The following SUPT3H variants were observed in gnomAD, a reference collection of about 807,000 sequenced individuals.
The protein encoded by SUPT3H is SPT3 homolog, SAGA and STAGA complex component.
SUPT3H carries 44 observed loss-of-function variants against 44.3 expected under a neutral mutation model. That is an observed-to-expected ratio of 0.99 (90% CI 0.78 to 1.28). The LOEUF (loss-of-function observed/expected upper bound fraction) is 1.28. SUPT3H is among the 50% of genes most tolerant of loss of function. The pLI is 0.00. For missense variants in SUPT3H, 380 were observed against 387.1 expected, an observed-to-expected ratio of 0.98 and a Z score of 0.15; for synonymous variants, 124 against 125.6, an observed-to-expected ratio of 0.99 and a Z score of 0.09.
intron 10 of SUPT3H, among the ~76,000 whole-genome samples, chr6:44,886,372 G>A (rs546331387): frequency 1.3e-5 from 2 of 152,168 alleles, no homozygotes; most frequent in East Asian, 3.9e-4. Flanking sequence ...AGAGAGAAAG[G>A]TCGGGTTACC....
At chr6:45,107,476 A>T (rs1799443102) in intron 2 of SUPT3H, among the ~76,000 whole-genome samples, 1 of 152,142 alleles carries the variant, frequency 6.6e-6, no homozygotes, top group Non-Finnish European at 1.5e-5. Flanking sequence ...CAGAGAATGC[A>T]CTTTGCCTAC....
At chr6:45,079,972 T>C (rs1020877409) in intron 3 of SUPT3H, among the ~76,000 whole-genome samples, 1 of 152,172 alleles carries the variant, frequency 6.6e-6, no homozygotes, top group Non-Finnish European at 1.5e-5. Flanking sequence ...ATTGCAAAGC[T>C]TCTGCACAGC....
chr6:44,869,210 T>C lies in SUPT3H; in HGVS notation c.913-39353A>G, dbSNP rs1332378024. Among the ~76,000 whole-genome samples the C allele has an allele frequency of 5.3e-5, 8 of 152,182 alleles. No individual in the cohort carries two copies. In the East Asian group the frequency reaches 9.6e-4, roughly 18 times the overall value. ...GTATAGGCTGCTTTGTCTTTTTTTTTTTCTTTGAAGACTGCCTCCTTGGAA... is the reference window on the plus strand; with the variant it reads ...GTATAGGCTGCTTTGTCTTTTTTTTCTTCTTTGAAGACTGCCTCCTTGGAA... On this transcript the variant is annotated intron_variant, in intron 10 of 10. Transcript: ENST00000371459.
At chr6:45,196,376 G>A (rs866032560) in intron 2 of SUPT3H, among the ~76,000 whole-genome samples, 2 of 151,930 alleles carry the variant, frequency 1.3e-5, no homozygotes, top group Non-Finnish European at 2.9e-5. Flanking sequence ...AAAGGATATG[G>A]AAATTGGCAA....
At chr6:44,981,776 C>A (rs1779119056) in intron 6 of SUPT3H, among the ~76,000 whole-genome samples, 1 of 151,700 alleles carries the variant, frequency 6.6e-6, no homozygotes, top group African/African-American at 2.4e-5. Context: ...TCAGGGAACT[C>A]CTGAAAGCCT....
rs568863633 is a variant in SUPT3H, at chr6:45,014,851, T to A, written c.314A>T (p.Asp105Val). The A allele has an allele frequency of 1.6e-4, 261 of 1,593,602 alleles. No individual in the cohort carries two copies. Among genetic ancestry groups the A allele is most frequent in the Non-Finnish European group, 2.1e-4 (241 of 1,171,578 alleles). The part of the protein sequence containing the change: ...RRLLKYMFIR[D>V]YKSKIVKGID... ...GCCTTTGACAATCTTTGATTTGTAGTCTCGGATAAACATGTATTTTAGCAG... is the reference window on the plus strand; with the variant it reads ...GCCTTTGACAATCTTTGATTTGTAGACTCGGATAAACATGTATTTTAGCAG... Residue 105 changes from aspartate (D) to valine (V), a missense_variant, in exon 5 of 11, where the codon GAC becomes GTC. Transcript: ENST00000371459.
intron 10 of SUPT3H, among the ~76,000 whole-genome samples, chr6:44,907,905 C>G (rs774154351): frequency 3.4e-4 from 51 of 152,060 alleles, no homozygotes; most frequent in Admixed American, 1.3e-4. Flanking sequence ...AAAAACAAAA[C>G]TTGCTTAGTT....
chr6:45,230,660 G>GCCTATATATATATA (rs765270979), intron 2 of SUPT3H, among the ~76,000 whole-genome samples: 7,455 of 49,884 alleles, frequency 0.15, 941 homozygotes, highest in East Asian at 0.23. Context: ...AATTCATTCA[G>GCCTATATATATATA]TCTATATATA....
chr6:45,009,662 G>A (rs1171753232), intron 5 of SUPT3H, among the ~76,000 whole-genome samples: 1 of 151,944 alleles, frequency 6.6e-6, no homozygotes, highest in Non-Finnish European at 1.5e-5. Context: ...CCATTTCATT[G>A]ACAAATATGT....
At chr6:45,268,149 T>C (rs976392382) in intron 2 of SUPT3H, among the ~76,000 whole-genome samples, 1 of 152,216 alleles carries the variant, frequency 6.6e-6, no homozygotes, top group Non-Finnish European at 1.5e-5. Context: ...AATTAGTTCC[T>C]TCTTTTATCT....
At chr6:44,898,428 C>T (rs1389937803) in intron 10 of SUPT3H, among the ~76,000 whole-genome samples, 1 of 152,130 alleles carries the variant, frequency 6.6e-6, no homozygotes, top group African/African-American at 2.4e-5. Context: ...CTGAGGCCCC[C>T]AGCCAACTCC....
intron 2 of SUPT3H, among the ~76,000 whole-genome samples, chr6:45,297,991 C>T (rs1398461571): frequency 1.3e-5 from 2 of 152,250 alleles, no homozygotes; most frequent in Non-Finnish European, 1.5e-5. Context: ...AAGCTTCAGG[C>T]CACCAAGCTG....
intron 2 of SUPT3H, chr6:45,197,850 T>C (rs1408249213): frequency 5.9e-6 from 1 of 169,872 alleles, no homozygotes; most frequent in Non-Finnish European, 1.4e-5. Flanking sequence ...CTAACTGCCA[T>C]ATTAATCACC....
intron 9 of SUPT3H, among the ~76,000 whole-genome samples, chr6:44,949,825 A>G (rs1357092051): frequency 6.6e-6 from 1 of 152,252 alleles, no homozygotes; most frequent in African/African-American, 2.4e-5. Context: ...GAACTCTAAT[A>G]CACTGTTGGT....
intron 3 of SUPT3H, among the ~76,000 whole-genome samples, chr6:45,052,736 C>G (rs890724982): frequency 6.6e-6 from 1 of 152,184 alleles, no homozygotes; most frequent in Non-Finnish European, 1.5e-5. Flanking sequence ...AACTCCTGTA[C>G]TGGACACTAC....
rs537294390 is a variant in SUPT3H, at chr6:45,263,907, T to C, written c.101+101294A>G. Among the ~76,000 whole-genome samples, 10 of 152,336 alleles carry C rather than the reference T, an allele frequency of 6.6e-5. No homozygotes were observed. In the East Asian group the frequency reaches 1.9e-3, roughly 29 times the overall value. On this transcript the variant is annotated intron_variant, in intron 2 of 10. Transcript: ENST00000371459. ...TAAAAATACCACTAAAGTAAATTTT[T>C]AGGAAAATTATGTTACCTGATCAGT...
At chr6:44,990,071 A>G (rs1234709287) in intron 6 of SUPT3H, among the ~76,000 whole-genome samples, 1 of 152,096 alleles carries the variant, frequency 6.6e-6, no homozygotes, top group East Asian at 1.9e-4. Context: ...AAATCTTACC[A>G]AGGCCAACGT....
intron 7 of SUPT3H, among the ~76,000 whole-genome samples, chr6:44,960,276 G>A (rs1775821754): frequency 6.6e-6 from 1 of 151,536 alleles, no homozygotes; most frequent in Non-Finnish European, 1.5e-5. Flanking sequence ...GTGTGGTGGT[G>A]CACGCCTGTA....
At chr6:45,031,172 T>G (rs753121809) in intron 3 of SUPT3H, among the ~76,000 whole-genome samples, 2 of 152,140 alleles carry the variant, frequency 1.3e-5, no homozygotes, top group African/African-American at 2.4e-5. Flanking sequence ...AAAGATAAAT[T>G]AAATTGTGAA....
Sources: allele counts gnomAD v4.1 joint callset (sites outside exome capture counted in the v4.1 genomes callset), GRCh38; gene constraint gnomAD v4.1.1; transcripts MANE v1.5; gene names NCBI Gene and HGNC (gene_info 2026-07-23, HGNC 2026-07-21).